The following PIEZO2 variants were observed in gnomAD, a reference collection of about 807,000 sequenced individuals.
PIEZO2 encodes the protein piezo-type mechanosensitive ion channel component 2.
In PIEZO2, 172 loss-of-function variants were observed where a neutral mutation model predicts 337.3. That is an observed-to-expected ratio of 0.51 (90% CI 0.45 to 0.58). The LOEUF is 0.58. Among genes scored for constraint, PIEZO2 ranks in the 20% least tolerant of loss-of-function variants. PIEZO2 has a pLI of 0.00. For missense variants in PIEZO2, 3,028 were observed against 3,391.3 expected (o/e 0.89, Z 2.66); for synonymous variants, 1,251 against 1,228.5 (o/e 1.02, Z -0.38).
rs974950661 is a variant in PIEZO2 at position 10,714,706 on chromosome 18, T to C, written c.5423+58A>G. On this transcript the variant is annotated intron_variant, in intron 39 of 55. Coordinates refer to ENST00000674853, the MANE Select transcript of PIEZO2 (RefSeq NM_001378183.1). The stretch of plus-strand genomic sequence containing the variant: ...TCACACATTCATTTCTTATATTTGA[T>C]GACATCCACCTCATTTACCTTTGTC... 9 of 1,503,436 alleles carry C rather than the reference T, an allele frequency of 6.0e-6. No homozygotes were observed. The East Asian group carries it at 2.2e-4, about 37-fold the overall frequency. 93.1% of individuals were successfully genotyped at this position (1,503,436 alleles called of 1,614,324 possible).
At chr18:11,004,223 C>T (rs977948641) in intron 2 of PIEZO2, among the ~76,000 whole-genome samples, 9 of 152,096 alleles carry the variant, frequency 5.9e-5, no homozygotes, top group African/African-American at 1.7e-4. Flanking sequence ...TTCCTGAGTC[C>T]CCCTGGATGG....
At chr18:10,739,407 T>C (rs1405984528) in intron 33 of PIEZO2, 2 of 152,200 alleles carry the variant, frequency 1.3e-5, no homozygotes, top group African/African-American at 2.4e-5. Flanking sequence ...ACTTGTAAGA[T>C]AGTTATCACA....
chr18:10,970,660 T>TCACACA lies in PIEZO2; in HGVS notation c.286+8869_286+8874dup, dbSNP rs71169962. Reference sequence around the variant, plus strand: ...CAAAACTTAGAACAAAAAAGATGTTTCACACACACACACACACACACACAC... The same window carrying TCACACA: ...CAAAACTTAGAACAAAAAAGATGTTTCACACACACACACACACACACACACACACAC... On this transcript the variant is annotated intron_variant, in intron 3 of 55. Coordinates refer to ENST00000674853, the MANE Select transcript of PIEZO2 (RefSeq NM_001378183.1). Among the ~76,000 whole-genome samples, 518 of 137,506 alleles carry TCACACA rather than the reference T, an allele frequency of 3.8e-3. 1 individual carries two copies. Among genetic ancestry groups the TCACACA allele is most frequent in the Middle Eastern group, 8.0e-3 (2 of 250 alleles). 90.2% of individuals were successfully genotyped at this position (137,506 alleles called of 152,430 possible). A position where few individuals can be genotyped will look rare whatever the true frequency, so the allele number is the denominator to read the frequency against.
At chr18:11,043,099 C>T (rs1352794095) in intron 2 of PIEZO2, among the ~76,000 whole-genome samples, 15 of 152,158 alleles carry the variant, frequency 9.9e-5, no homozygotes, top group Admixed American at 9.8e-4. Flanking sequence ...CGTATGATGT[C>T]TGTATAAATG....
intron 1 of PIEZO2, among the ~76,000 whole-genome samples, chr18:11,082,990 T>C (rs1461987481): frequency 6.6e-6 from 1 of 152,194 alleles, no homozygotes; most frequent in Non-Finnish European, 1.5e-5. Context: ...GGCAGCATCC[T>C]TTGAGTAGGA....
rs2040602670 is a variant in PIEZO2 at position 10,824,219 on chromosome 18, T to C, written c.918-16945A>G. Reference sequence around the variant, plus strand: ...CTAGAAATCTGGGGCTAGGGAATAATTTACGAGAGTAGCAAGAGACAAGTC... The same window carrying C: ...CTAGAAATCTGGGGCTAGGGAATAACTTACGAGAGTAGCAAGAGACAAGTC... On this transcript the variant is annotated intron_variant, in intron 7 of 55. Transcript: ENST00000674853. This position sits in a 1 kb window ranked among gnomAD's most constrained non-coding sequence, Gnocchi z 4.4. Among the ~76,000 whole-genome samples the C allele has an allele frequency of 6.6e-6, 1 of 152,162 alleles. No homozygotes were observed. The highest frequency in any genetic ancestry group is 6.5e-5 in the Admixed American group (1 of 15,278).
At chr18:10,752,112 A>G (rs942001616) in intron 28 of PIEZO2, among the ~76,000 whole-genome samples, 4 of 152,150 alleles carry the variant, frequency 2.6e-5, no homozygotes, top group African/African-American at 9.7e-5. Flanking sequence ...ATCTACCCAC[A>G]TCTTCTGAGT....
rs1314119842 is a variant in PIEZO2, at chr18:11,038,040, C to CA, written c.160+28086dup. ...TGTCCACCTGGACTTCTGAGTTAAA[C>CA]AACAGTAGGTGAGATGTAAGATAAG... On this transcript the variant is annotated intron_variant, in intron 2 of 55. Coordinates refer to ENST00000674853, the MANE Select transcript of PIEZO2 (RefSeq NM_001378183.1). This position sits in a 1 kb window ranked among gnomAD's most constrained non-coding sequence, Gnocchi z 4.1. 1.3e-5 allele frequency among the ~76,000 whole-genome samples: 2 copies of CA among 152,216 alleles called. No individual in the cohort carries two copies. The highest frequency in any genetic ancestry group is 4.8e-5 in the African/African-American group (2 of 41,460).
At chr18:11,073,849 T>TTA (rs71930274) in intron 1 of PIEZO2, among the ~76,000 whole-genome samples, 1 of 32,380 alleles carries the variant, frequency 3.1e-5, no homozygotes, top group Non-Finnish European at 7.9e-5. Flanking sequence ...TAACAACTGC[T>TTA]TTTTTTTTTT....
intron 7 of PIEZO2, among the ~76,000 whole-genome samples, chr18:10,832,679 C>T (rs1176757529): frequency 2.0e-5 from 3 of 152,192 alleles, no homozygotes; most frequent in Admixed American, 6.5e-5. Flanking sequence ...GGGAATGTAC[C>T]GCTCTGCAAT....
chr18:10,969,289 G>C lies in PIEZO2; in HGVS notation c.286+10246C>G, dbSNP rs1053480718. Among the ~76,000 whole-genome samples the C allele has an allele frequency of 1.3e-5, 2 of 152,166 alleles. No homozygotes were observed. Among genetic ancestry groups the C allele is most frequent in the African/African-American group, 4.8e-5 (2 of 41,448 alleles). On this transcript the variant is annotated intron_variant, in intron 3 of 55. Transcript: ENST00000674853. This position sits in a 1 kb window ranked among gnomAD's most constrained non-coding sequence, Gnocchi z 4.5. ...ATGCTGCATCATGAAGCTGAGGTTA[G>C]AGAATTTGTTATTTAAGCAAACCAA...
intron 7 of PIEZO2, among the ~76,000 whole-genome samples, chr18:10,809,503 C>T (rs962208223): frequency 2.0e-4 from 30 of 151,454 alleles, no homozygotes; most frequent in East Asian, 3.9e-4. Flanking sequence ...CTCTTGACCT[C>T]GTGATCCGCC....
chr18:10,922,217 CAT>C (rs1287090723), intron 3 of PIEZO2, among the ~76,000 whole-genome samples: 1 of 152,104 alleles, frequency 6.6e-6, no homozygotes, highest in Non-Finnish European at 1.5e-5. Flanking sequence ...AATCTACCGA[CAT>C]GTGATGTCTC....
chr18:10,771,059 C>A (rs2143978647), intron 20 of PIEZO2, among the ~76,000 whole-genome samples: 1 of 152,264 alleles, frequency 6.6e-6, no homozygotes, highest in East Asian at 1.9e-4. Flanking sequence ...CTCTTAAGAC[C>A]AAACTATAAT....
intron 3 of PIEZO2, among the ~76,000 whole-genome samples, chr18:10,921,542 T>C (rs898228098): frequency 6.6e-6 from 1 of 152,094 alleles, no homozygotes; most frequent in Non-Finnish European, 1.5e-5. Flanking sequence ...CTGAGGAGGA[T>C]GTATGTCGCC....
At position 11,102,260 on chromosome 18, in the gene PIEZO2, G is replaced by A. The variant is rs1441916262; in HGVS notation, c.65-36038C>T. Among the ~76,000 whole-genome samples the A allele has an allele frequency of 6.6e-6, 1 of 152,180 alleles. No individual in the cohort carries two copies. Among genetic ancestry groups the A allele is most frequent in the East Asian group, 1.9e-4 (1 of 5,196 alleles). Reference sequence around the variant, plus strand: ...TACATTCTAATTTAAAATGTATCCAGTGAGCTTAATCTTCCCTTGCCCTGC... The same window carrying A: ...TACATTCTAATTTAAAATGTATCCAATGAGCTTAATCTTCCCTTGCCCTGC... On this transcript the variant is annotated intron_variant, in intron 1 of 55. Coordinates refer to ENST00000674853, the MANE Select transcript of PIEZO2 (RefSeq NM_001378183.1). This position sits in a 1 kb window ranked among gnomAD's most constrained non-coding sequence, Gnocchi z 5.7.
At chr18:10,912,409 C>T (rs1159730878) in intron 3 of PIEZO2, among the ~76,000 whole-genome samples, 25 of 152,178 alleles carry the variant, frequency 1.6e-4, no homozygotes, top group Non-Finnish European at 8.8e-5. Flanking sequence ...TAAATACCCA[C>T]CTAGCCCTAA....
intron 12 of PIEZO2, 117 bp downstream of exon 12, chr18:10,797,257 A>C (rs2144236577): frequency 1.2e-6 from 1 of 861,240 alleles, no homozygotes; most frequent in Admixed American, 3.1e-5. Context: ...CATACATACC[A>C]TCATATCTTA....
At chr18:10,753,856 A>G (rs1016238954) in intron 27 of PIEZO2, among the ~76,000 whole-genome samples, 1 of 152,182 alleles carries the variant, frequency 6.6e-6, no homozygotes, top group Non-Finnish European at 1.5e-5. Flanking sequence ...ACATTTTTAT[A>G]ACTTTTTTTC....
Sources: gnomAD v4.1 joint callset for allele counts (sites outside exome capture counted in the v4.1 genomes callset) on GRCh38, gnomAD v4.1.1 for gene constraint, Gnocchi (gnomAD v3.1) non-coding constraint, MANE v1.5 for transcripts, NCBI Gene and HGNC (gene_info 2026-07-23, HGNC 2026-07-21) for gene names.